The following ZNF202 variants were observed in gnomAD, a reference collection of about 807,000 sequenced individuals.
The protein encoded by ZNF202 is zinc finger protein with KRAB and SCAN domains 10.
In ZNF202, 22 loss-of-function variants were observed where a neutral mutation model predicts 54.5. The observed-to-expected ratio is 0.40, with a 90% CI of 0.29 to 0.58. The LOEUF (loss-of-function observed/expected upper bound fraction) is 0.58. ZNF202 is among the 20% of genes least tolerant of loss of function. The probability of loss-of-function intolerance (pLI) is 0.39; values close to 1 mark genes in which losing one functional copy is unlikely to be tolerated. For missense variants in ZNF202, 644 were observed against 805.5 expected (o/e 0.80, Z 2.43); for synonymous variants, 294 against 301.4 (o/e 0.98, Z 0.26).
At chr11:123,738,434 C>G (rs1239350953) in intron 3 of ZNF202, among the ~76,000 whole-genome samples, 1 of 152,140 alleles carries the variant, frequency 6.6e-6, no homozygotes, top group Non-Finnish European at 1.5e-5. Flanking sequence ...AGTTAATGGC[C>G]TAAATAAAGG....
chr11:123,740,831 T>C (rs1374931254), intron 1 of ZNF202, among the ~76,000 whole-genome samples: 1 of 152,232 alleles, frequency 6.6e-6, no homozygotes, highest in African/African-American at 2.4e-5. Flanking sequence ...GAAGTAGGTA[T>C]ACTCCTGCTA....
chr11:123,725,739 T>C lies in ZNF202; in HGVS notation c.*258A>G, dbSNP rs1179818810. The C allele has an allele frequency of 4.3e-6, 2 of 467,012 alleles. No homozygotes were observed. Among genetic ancestry groups the C allele is most frequent in the Non-Finnish European group, 7.6e-6 (2 of 263,366 alleles). The allele number at this position is 467,012 out of a possible 1,614,324, so 28.9% of individuals were successfully genotyped here. A position where few individuals can be genotyped will look rare whatever the true frequency, so the allele number is the denominator to read the frequency against. On this transcript the variant is annotated 3_prime_UTR_variant, in exon 9 of 9. Coordinates refer to ENST00000530393, the MANE Select transcript of ZNF202 (RefSeq NM_003455.4). Reference sequence around the variant, plus strand: ...GTTCTCCTACTTTATACCCATGAGGTAGAGGCAGGTGCACTCCAGTGAAGG... The same window carrying C: ...GTTCTCCTACTTTATACCCATGAGGCAGAGGCAGGTGCACTCCAGTGAAGG...
chr11:123,729,549 CCGAGAAATGT>C, intron 5 of ZNF202, 56 bp downstream of exon 5: 3 of 306,788 alleles, frequency 9.8e-6, no homozygotes, highest in Admixed American at 8.3e-5. Context: ...GGAGAAATGT[CCGAGAAATGT>C]CCCCCTCCTT....
Position 123,724,359 on chromosome 11 carries a change from T to G in ZNF202, c.*1638A>C, listed in dbSNP as rs945078938. ...AGGGAACTTGGCTGCAAGTGTTACCTTTATTTATTTCATATATGTATATTT... is the reference window on the plus strand; with the variant it reads ...AGGGAACTTGGCTGCAAGTGTTACCGTTATTTATTTCATATATGTATATTT... On this transcript the variant is annotated 3_prime_UTR_variant, in exon 9 of 9. Transcript: ENST00000530393. The G allele has an allele frequency of 6.6e-6, 1 of 152,246 alleles. No individual in the cohort carries two copies. Among genetic ancestry groups the G allele is most frequent in the Non-Finnish European group, 1.5e-5 (1 of 68,044 alleles). 9.4% of individuals were successfully genotyped at this position (152,246 alleles called of 1,614,324 possible). A position where few individuals can be genotyped will look rare whatever the true frequency, so the allele number is the denominator to read the frequency against.
chr11:123,736,627 A>AATAAAAAGCGC (rs1463020835), intron 3 of ZNF202, among the ~76,000 whole-genome samples: 1 of 152,110 alleles, frequency 6.6e-6, no homozygotes, highest in Non-Finnish European at 1.5e-5. Context: ...TTTATTCTTG[A>AATAAAAAGCGC]TTGTCCTATA....
chr11:123,728,097 G>A (rs1183109114), intron 7 of ZNF202, 36 bp downstream of exon 7: 1 of 1,587,004 alleles, frequency 6.3e-7, no homozygotes, highest in Non-Finnish European at 8.6e-7. Context: ...AAGATCTCTG[G>A]GCTTAGAACA....
Position 123,730,021 on chromosome 11 carries a change from G to A in ZNF202, c.403-196C>T, listed in dbSNP as rs1417720935. 6.6e-6 allele frequency among the ~76,000 whole-genome samples: 1 copy of A among 152,062 alleles called. No homozygotes were observed. Among genetic ancestry groups the A allele is most frequent in the Non-Finnish European group, 1.5e-5 (1 of 68,000 alleles). ...CTCCCCAGGACAAGGCAGGGGATGC[G>A]CAGGCCTGCACTGCTCTCTCACCAC... On this transcript the variant is annotated intron_variant, in intron 4 of 8. Transcript: ENST00000530393. This position sits in a 1 kb window ranked among gnomAD's most constrained non-coding sequence, Gnocchi z 6.0.
intron 3 of ZNF202, among the ~76,000 whole-genome samples, chr11:123,733,297 CATT>C (rs1861492047): frequency 6.6e-6 from 1 of 152,188 alleles, no homozygotes; most frequent in Admixed American, 6.5e-5. Flanking sequence ...GCTCTTATGA[CATT>C]TTTTTCATTA....
At chr11:123,735,790 G>A (rs1325254875) in intron 3 of ZNF202, among the ~76,000 whole-genome samples, 1 of 152,200 alleles carries the variant, frequency 6.6e-6, no homozygotes, top group Non-Finnish European at 1.5e-5. Flanking sequence ...TAATATTAGA[G>A]GCAGAAAACA....
intron 3 of ZNF202, chr11:123,738,669 T>C (rs1418592855): frequency 6.6e-6 from 1 of 152,216 alleles, no homozygotes; most frequent in African/African-American, 2.4e-5. Context: ...ATAACATATA[T>C]AACAGAGCTG....
intron 3 of ZNF202, chr11:123,738,478 C>T (rs1037189283): frequency 9.2e-5 from 14 of 152,144 alleles, no homozygotes; most frequent in East Asian, 1.9e-4. Flanking sequence ...TAAAACAGAA[C>T]ATGACAAATT....
intron 3 of ZNF202, among the ~76,000 whole-genome samples, chr11:123,737,397 C>T (rs1038502452): frequency 4.6e-5 from 7 of 152,130 alleles, no homozygotes; most frequent in African/African-American, 9.7e-5. Context: ...GTTTCCCCCC[C>T]GCCCCTTCAT....
At position 123,725,916 on chromosome 11, in the gene ZNF202, C is replaced by G; in HGVS notation, c.*81G>C. The G allele has an allele frequency of 6.7e-7, 1 of 1,497,326 alleles. No individual in the cohort carries two copies. The highest frequency in any genetic ancestry group is 1.3e-5 in the South Asian group (1 of 74,298). 92.8% of individuals were successfully genotyped at this position (1,497,326 alleles called of 1,614,324 possible). A position where few individuals can be genotyped will look rare whatever the true frequency, so the allele number is the denominator to read the frequency against. On this transcript the variant is annotated 3_prime_UTR_variant, in exon 9 of 9. Coordinates refer to ENST00000530393, the MANE Select transcript of ZNF202 (RefSeq NM_003455.4). The stretch of plus-strand genomic sequence containing the variant: ...GGAGACTCCCTCGAAAAGGTCTTCC[C>G]AGGCTGACAAGAGGGCTTTTCCTCT...
At chr11:123,735,482 A>T (rs1256483296) in intron 3 of ZNF202, among the ~76,000 whole-genome samples, 1 of 152,204 alleles carries the variant, frequency 6.6e-6, no homozygotes, top group African/African-American at 2.4e-5. Flanking sequence ...AGGAAGATGA[A>T]GGAAAACAGA....
chr11:123,728,353 T>C, intron 6 of ZNF202, 91 bp from the exon 7 acceptor site: 2 of 1,415,974 alleles, frequency 1.4e-6, no homozygotes, highest in South Asian at 1.5e-5. Flanking sequence ...GGTGGACTCC[T>C]CTAGGAGATG....
rs1282602614 is a variant in ZNF202, at chr11:123,726,796, A to C, written c.1148T>G (p.Leu383Arg). The C allele has an allele frequency of 3.7e-6, 6 of 1,614,092 alleles. No homozygotes were observed. Among genetic ancestry groups the C allele is most frequent in the Non-Finnish European group, 3.4e-6 (4 of 1,180,052 alleles). The change falls in exon 9 of 9, where the codon CTT becomes CGT. Residue 383 changes from leucine to arginine, a missense_variant. By Grantham distance (102) the Leu-to-Arg change is moderately radical. This residue lies in a region of ZNF202 where 536 missense variants were observed against 635.3 expected (regional missense o/e 0.84). Transcript: ENST00000530393. The surrounding 1 kb of genome is among the most constrained non-coding windows in gnomAD (Gnocchi z 6.0). ...GGGGTGGACGGGTGTAGTTTCCCGA[A>C]GGTTCACAAAACTATTCACTTGAGA... Reference protein sequence around the residue: ...NISQVNSFVNLRETTPVHPLL... With the variant: ...NISQVNSFVNRRETTPVHPLL...
Position 123,726,030 on chromosome 11 carries a change from C to T in ZNF202, c.1914G>A (p.Arg638=), listed in dbSNP as rs1168364810. Residue 638 remains arginine, a synonymous_variant, in exon 9 of 9, where the codon AGG becomes AGA. Transcript: ENST00000530393. The surrounding 1 kb of genome is among the most constrained non-coding windows in gnomAD (Gnocchi z 6.0). Reference sequence around the variant, plus strand: ...TCTTTTCTGAGTGGGTCCTCTGATGCCTAATTAAGTGATATCCTCTGCTGA... The same window carrying T: ...TCTTTTCTGAGTGGGTCCTCTGATGTCTAATTAAGTGATATCCTCTGCTGA... ...KSFSRGYHLI[R]HQRTHSEKTS is the part of the protein sequence containing the mutation. The T allele has an allele frequency of 6.2e-7, 1 of 1,613,730 alleles. No individual in the cohort carries two copies. Among genetic ancestry groups the T allele is most frequent in the African/African-American group, 1.3e-5 (1 of 74,928 alleles).
At chr11:123,728,602 C>T (rs980191750) in intron 6 of ZNF202, among the ~76,000 whole-genome samples, 2 of 152,052 alleles carry the variant, frequency 1.3e-5, no homozygotes, top group Admixed American at 6.5e-5. Context: ...GTACACTTTC[C>T]CTAAAGACTC....
At chr11:123,729,357 C>T in intron 5 of ZNF202, 143 bp from the exon 6 acceptor site, 2 of 861,002 alleles carry the variant, frequency 2.3e-6, no homozygotes, top group Non-Finnish European at 3.6e-6. Context: ...CTAAGGGTAG[C>T]TCCCATATCC....
Sources: gnomAD v4.1 joint callset for allele counts (sites outside exome capture counted in the v4.1 genomes callset) on GRCh38, gnomAD v4.1.1 for gene constraint, gnomAD v4.1.1 regional missense constraint, Gnocchi (gnomAD v3.1) non-coding constraint, MANE v1.5 for transcripts, NCBI Gene and HGNC (gene_info 2026-07-23, HGNC 2026-07-21) for gene names.